RNF14: variants seen among roughly 807,000 people sequenced by gnomAD.
RNF14 encodes E3 ubiquitin-protein ligase RNF14.
Under a neutral mutation model 52.6 loss-of-function variants are expected in RNF14, and 26 were observed. That is an observed-to-expected ratio of 0.49 (90% CI 0.36 to 0.69). The LOEUF (loss-of-function observed/expected upper bound fraction) is 0.69. Ranked by LOEUF, RNF14 falls within the 30% of genes least tolerant of loss-of-function variation. The pLI is 0.00. For missense variants in RNF14, 404 were observed against 560.4 expected (o/e 0.72, Z 2.82); for synonymous variants, 194 against 202.0 (o/e 0.96, Z 0.34).
upstream of RNF14, chr5:141,956,091 G>A (rs1307722824): frequency 1.2e-6 from 2 of 1,614,200 alleles, no homozygotes; most frequent in Non-Finnish European, 1.7e-6. Flanking sequence ...GCACCAGCAG[G>A]TGGCCTGTGG....
At chr5:141,983,267 A>G (rs932731227) in intron 6 of RNF14, 113 bp from the exon 7 acceptor site, 2 of 851,482 alleles carry the variant, frequency 2.3e-6, no homozygotes, top group Admixed American at 6.2e-5. Flanking sequence ...TTTCCTTATG[A>G]TAAAGTTCTA....
chr5:141,971,573 TTCTTTCTTTC>T (rs1561544535), intron 2 of RNF14, among the ~76,000 whole-genome samples: 1 of 3,854 alleles, frequency 2.6e-4, no homozygotes, highest in Admixed American at 4.9e-3. Context: ...TTTTCTTTCT[TTCTTTCTTTC>T]TTTCTTTCTT....
upstream of RNF14, chr5:141,957,209 T>G (rs1389877870): frequency 3.1e-6 from 5 of 1,614,094 alleles, no homozygotes; most frequent in Non-Finnish European, 4.2e-6. This position sits in a 1 kb window ranked among gnomAD's most constrained non-coding sequence, Gnocchi z 4.3. Context: ...TCATAGGCAG[T>G]TAACACCAGA....
At chr5:141,959,719 G>C (rs1753239948) in intron 1 of RNF14, among the ~76,000 whole-genome samples, 1 of 152,080 alleles carries the variant, frequency 6.6e-6, no homozygotes, top group African/African-American at 2.4e-5. Context: ...TCCCACTCCT[G>C]AGGTTTCCCA....
chr5:141,951,516 G>T, the RNF14 span: 1 of 1,614,222 alleles, frequency 6.2e-7, no homozygotes, highest in East Asian at 2.2e-5. Context: ...GCTTGGCCAA[G>T]TACTTATTTC....
rs1753490018 is a variant in RNF14 at position 141,969,153 on chromosome 5, G to C, written c.-195G>C. ...GGTTGAGCAGGGCGTCTCTAGGCCT[G>C]GTCGGCTGGCGGCGGTGAGTGGGCC... On this transcript the variant is annotated 5_prime_UTR_variant, in exon 1 of 9. Transcript: ENST00000394520. 6.5e-6 allele frequency: 1 copy of C among 153,144 alleles called. No individual in the cohort carries two copies. The highest frequency in any genetic ancestry group is 6.5e-5 in the Admixed American group (1 of 15,298). The allele number at this position is 153,144 out of a possible 1,614,324, so 9.5% of individuals were successfully genotyped here. A position where few individuals can be genotyped will look rare whatever the true frequency, so the allele number is the denominator to read the frequency against.
upstream of RNF14, chr5:141,955,636 A>T (rs750043128): frequency 1.9e-6 from 3 of 1,613,990 alleles, no homozygotes; most frequent in African/African-American, 2.7e-5. This position sits in a 1 kb window ranked among gnomAD's most constrained non-coding sequence, Gnocchi z 5.5. Context: ...TGTCCGGCAG[A>T]TGGACATGAA....
chr5:141,951,667 G>T, the RNF14 span: 2 of 1,037,040 alleles, frequency 1.9e-6, no homozygotes, highest in Non-Finnish European at 1.5e-6. Flanking sequence ...TTCCCTCAAT[G>T]CCGGTGCTTT....
chr5:141,984,830 T>C lies in RNF14; in HGVS notation c.1264T>C (p.Cys422Arg). Reference sequence around the variant, plus strand: ...ATTAGACGGATGTAACAAGATGACATGTACTGGCTGTATGCAATATTTCTG... The same window carrying C: ...ATTAGACGGATGTAACAAGATGACACGTACTGGCTGTATGCAATATTTCTG... ...EKLDGCNKMT[C>R]TGCMQYFCWI... The change falls in exon 8 of 9, where the codon TGT (cysteine) becomes CGT (arginine). Residue 422 changes from cysteine to arginine, a missense_variant. Cys to Arg is a radical substitution (Grantham distance 180). Transcript: ENST00000394520. 6.2e-7 allele frequency: 1 copy of C among 1,613,722 alleles called. No individual in the cohort carries two copies.
At chr5:141,986,009 A>T (rs1436413205) in intron 8 of RNF14, among the ~76,000 whole-genome samples, 4 of 152,200 alleles carry the variant, frequency 2.6e-5, no homozygotes, top group Non-Finnish European at 5.9e-5. Flanking sequence ...TTAGAATAAC[A>T]TTTTTTATGC....
intron 5 of RNF14, among the ~76,000 whole-genome samples, 168 bp from the exon 6 acceptor site, chr5:141,979,954 AC>A (rs1222953544): frequency 7.2e-5 from 11 of 152,164 alleles, no homozygotes; most frequent in Non-Finnish European, 1.6e-4. Context: ...AAATGTGTAG[AC>A]CCCTATAATT....
At chr5:141,971,620 C>CT (rs1420518343) in intron 2 of RNF14, among the ~76,000 whole-genome samples, 3 of 89,442 alleles carry the variant, frequency 3.4e-5, no homozygotes, top group South Asian at 7.5e-4. Flanking sequence ...TCCTTTCTTT[C>CT]TTCTTTCTTT....
intron 5 of RNF14, 58 bp from the exon 6 acceptor site, chr5:141,980,065 C>T: frequency 7.2e-7 from 1 of 1,393,890 alleles, no homozygotes; most frequent in Non-Finnish European, 1.0e-6. Flanking sequence ...AGAATCGCCT[C>T]AGGTTCAGAA....
chr5:141,967,169 C>CA (rs1419326393), upstream of RNF14, among the ~76,000 whole-genome samples: 1 of 152,156 alleles, frequency 6.6e-6, no homozygotes, highest in African/African-American at 2.4e-5. Flanking sequence ...CTGATTTACT[C>CA]ACTTGGTTTT....
At chr5:141,960,822 G>A (rs1339394575) in intron 1 of RNF14, among the ~76,000 whole-genome samples, 1 of 152,216 alleles carries the variant, frequency 6.6e-6, no homozygotes, top group Non-Finnish European at 1.5e-5. Flanking sequence ...TGGCTTGGAA[G>A]GGAACAGAGA....
At chr5:141,963,514 G>C (rs997404048), upstream of RNF14, among the ~76,000 whole-genome samples, 1 of 152,030 alleles carries the variant, frequency 6.6e-6, no homozygotes, top group Non-Finnish European at 1.5e-5. Context: ...CTGTTGATTG[G>C]CCTTGTTATG....
chr5:141,964,898 A>G (rs1753306685), upstream of RNF14, among the ~76,000 whole-genome samples: 1 of 151,704 alleles, frequency 6.6e-6, no homozygotes. Context: ...AAGGGCTGGG[A>G]TAACAGGCAT....
chr5:141,956,772 T>G (rs1561536713), upstream of RNF14: 1 of 1,614,274 alleles, frequency 6.2e-7, no homozygotes, highest in South Asian at 1.1e-5. Context: ...ACACCAGTGA[T>G]GGCTGGGAGG....
Position 141,973,617 on chromosome 5 carries a change from A to G in RNF14, c.29A>G (p.Glu10Gly). The G allele has an allele frequency of 6.2e-7, 1 of 1,613,784 alleles. No individual in the cohort carries two copies. The highest frequency in any genetic ancestry group is 8.5e-7 in the Non-Finnish European group (1 of 1,179,846). Residue 10 changes from glutamate (E) to glycine (G), a missense_variant, in exon 3 of 9, where the codon GAG becomes GGG. Transcript: ENST00000394520. ...TCGTCAGAAGATCGAGAAGCTCAGGAGGATGAATTGCTGGCCCTGGCAAGT... is the reference window on the plus strand; with the variant it reads ...TCGTCAGAAGATCGAGAAGCTCAGGGGGATGAATTGCTGGCCCTGGCAAGT... MSSEDREAQ[E>G]DELLALASIY...
Sources: allele counts gnomAD v4.1 joint callset (sites outside exome capture counted in the v4.1 genomes callset), GRCh38; gene constraint gnomAD v4.1.1; non-coding constraint Gnocchi (gnomAD v3.1); transcripts MANE v1.5; gene names NCBI Gene and HGNC (gene_info 2026-07-23, HGNC 2026-07-21).